The following RTN4RL1 variants were observed in gnomAD, a reference collection of about 807,000 sequenced individuals.
The protein encoded by RTN4RL1 is reticulon 4 receptor like 1.
A neutral mutation model predicts 25.6 loss-of-function variants in RTN4RL1; 7 were observed. The ratio of observed to expected loss-of-function variants is 0.27; its 90% CI spans 0.16 to 0.51. RTN4RL1 has a LOEUF of 0.51. Ranked by LOEUF, RTN4RL1 falls within the 20% of genes least tolerant of loss-of-function variation. The pLI, the probability that RTN4RL1 is intolerant of heterozygous loss-of-function variation, is 0.97. For missense variants in RTN4RL1, 500 were observed against 615.6 expected (o/e 0.81, Z 1.99); for synonymous variants, 297 against 288.2 (o/e 1.03, Z -0.31).
chr17:1,988,699 C>A (rs2066897605), intron 1 of RTN4RL1, among the ~76,000 whole-genome samples: 1 of 152,058 alleles, frequency 6.6e-6, no homozygotes, highest in Non-Finnish European at 1.5e-5. Flanking sequence ...ATGCTGTAGG[C>A]ACTTATAACT....
At position 1,998,673 on chromosome 17, in the gene RTN4RL1, T is replaced by C. The variant is rs1392581833; in HGVS notation, c.13+26180A>G. On this transcript the variant is annotated intron_variant, in intron 1 of 1. Transcript: ENST00000331238. This position sits in a 1 kb window ranked among gnomAD's most constrained non-coding sequence, Gnocchi z 4.9. ...GTGGCCTCCGAGGTCGCCGCGGCGC[T>C]TTCCTGCCCAAGCTGGCGCTGCCGG... is the stretch of plus-strand genomic sequence containing the variant. 2.0e-5 allele frequency among the ~76,000 whole-genome samples: 3 copies of C among 151,094 alleles called. No individual in the cohort carries two copies. Among genetic ancestry groups the C allele is most frequent in the African/African-American group, 4.9e-5 (2 of 40,948 alleles).
Position 1,936,529 on chromosome 17 carries a change from G to A in RTN4RL1, c.1293C>T (p.Ala431=), listed in dbSNP as rs1199610754. The A allele has an allele frequency of 6.4e-7, 1 of 1,550,436 alleles. No homozygotes were observed. The highest frequency in any genetic ancestry group is 1.9e-5 in the Admixed American group (1 of 51,338). ...SASSLGASLL[A]WTLGLAVTLR ...GAGTGACCGCCAGCCCCAGTGTCCA[G>A]GCCAGGAGGGAGGCCCCCAGGGAAC... Residue 431 remains alanine, a synonymous_variant, in exon 2 of 2, where the codon GCC becomes GCT. Coordinates refer to ENST00000331238, the MANE Select transcript of RTN4RL1 (RefSeq NM_178568.4).
intron 1 of RTN4RL1, among the ~76,000 whole-genome samples, chr17:2,021,422 T>C (rs1038903967): frequency 6.6e-6 from 1 of 152,140 alleles, no homozygotes; most frequent in African/African-American, 2.4e-5. Context: ...GGCTACCCTT[T>C]CTTCATCTTT....
rs1392517318 is a variant in RTN4RL1 at position 1,998,038 on chromosome 17, C to T, written c.13+26815G>A. Among the ~76,000 whole-genome samples, 1 of 152,130 alleles carries T rather than the reference C, an allele frequency of 6.6e-6. No homozygotes were observed. The highest frequency in any genetic ancestry group is 1.5e-5 in the Non-Finnish European group (1 of 67,986). Reference sequence around the variant, plus strand: ...CAGGGTGCCGGGCGCCCCACCCCCACCCCCGCCTCCGCCCCAGGCCGCGAT... The same window carrying T: ...CAGGGTGCCGGGCGCCCCACCCCCATCCCCGCCTCCGCCCCAGGCCGCGAT... On this transcript the variant is annotated intron_variant, in intron 1 of 1. Transcript: ENST00000331238. The surrounding 1 kb of genome is among the most constrained non-coding windows in gnomAD (Gnocchi z 4.9).
chr17:1,959,274 AG>A (rs1915850912), intron 1 of RTN4RL1, among the ~76,000 whole-genome samples: 1 of 152,242 alleles, frequency 6.6e-6, no homozygotes, highest in Non-Finnish European at 1.5e-5. Context: ...CTCACCAGAG[AG>A]GCAGTCCTAT....
rs759023275 is a variant in RTN4RL1 at position 1,937,593 on chromosome 17, C to A, written c.229G>T (p.Ala77Ser). 2 of 1,613,738 alleles carry A rather than the reference C, an allele frequency of 1.2e-6. No individual in the cohort carries two copies. The highest frequency in any genetic ancestry group is 2.7e-5 in the African/African-American group (2 of 74,914). The part of the protein sequence containing the change: ...GLLQPGHFSP[A>S]MVTLWIYSNN... ...GAGTAGATCCACAGGGTGACCATGG[C>A]GGGGCTGAAGTGGCCGGGCTGGAGG... Residue 77 changes from alanine (A) to serine (S), a missense_variant, in exon 2 of 2, where the codon GCC becomes TCC. Around this residue, in one of 2 missense-constraint regions of RTN4RL1, gnomAD observed 232 missense variants for 341.1 expected, o/e 0.68. Coordinates refer to ENST00000331238, the MANE Select transcript of RTN4RL1 (RefSeq NM_178568.4).
At chr17:1,949,152 G>A (rs192126516) in intron 1 of RTN4RL1, among the ~76,000 whole-genome samples, 224 of 152,100 alleles carry the variant, frequency 1.5e-3, no homozygotes, top group South Asian at 6.9e-3. Flanking sequence ...TAGTAGAGAC[G>A]GGGTTTTCTT....
At chr17:1,949,547 C>T (rs1463212290) in intron 1 of RTN4RL1, among the ~76,000 whole-genome samples, 1 of 152,224 alleles carries the variant, frequency 6.6e-6, no homozygotes, top group Admixed American at 6.5e-5. Context: ...CGCCCCTTCC[C>T]TGCGATCAGT....
At chr17:2,024,156 C>T (rs1233836162) in intron 1 of RTN4RL1, among the ~76,000 whole-genome samples, 1 of 152,316 alleles carries the variant, frequency 6.6e-6, no homozygotes, top group East Asian at 1.9e-4. Context: ...GCTGCTGGGG[C>T]GTCTAGCTAC....
At chr17:1,949,593 C>T (rs1003938098) in intron 1 of RTN4RL1, among the ~76,000 whole-genome samples, 2 of 152,192 alleles carry the variant, frequency 1.3e-5, no homozygotes, top group Non-Finnish European at 2.9e-5. Context: ...GAGCTCTGAG[C>T]GCAGCCCAGA....
At chr17:1,972,526 T>C (rs967454552) in intron 1 of RTN4RL1, among the ~76,000 whole-genome samples, 2 of 151,944 alleles carry the variant, frequency 1.3e-5, no homozygotes, top group African/African-American at 4.8e-5. Context: ...CCCTTCCCGC[T>C]TTGCGGCCCC....
chr17:1,945,602 G>A (rs2151305802), intron 1 of RTN4RL1, among the ~76,000 whole-genome samples: 1 of 151,724 alleles, frequency 6.6e-6, no homozygotes, highest in East Asian at 1.9e-4. Flanking sequence ...CCTCCCACCT[G>A]GGCCTCCCAA....
At chr17:1,971,781 T>C (rs2066820570) in intron 1 of RTN4RL1, among the ~76,000 whole-genome samples, 1 of 151,640 alleles carries the variant, frequency 6.6e-6, no homozygotes, top group South Asian at 2.1e-4. Flanking sequence ...GCTAACATGG[T>C]GAAACCCCGT....
chr17:1,984,945 C>A (rs1276425086), intron 1 of RTN4RL1, among the ~76,000 whole-genome samples: 1 of 150,698 alleles, frequency 6.6e-6, no homozygotes, highest in Non-Finnish European at 1.5e-5. Flanking sequence ...CCAGCCTGGG[C>A]AACAAGAGCG....
In RTN4RL1 at chr17:1,936,493, TC is replaced by T; in HGVS notation, c.*2del. ...CAGTGCTGGGTGCTGACGCCCTGGG[TC>T]CTCAGCGGAGAGTGACCGCCAGCCC... On this transcript the variant is annotated 3_prime_UTR_variant, in exon 2 of 2. Coordinates refer to ENST00000331238, the MANE Select transcript of RTN4RL1 (RefSeq NM_178568.4). The T allele has an allele frequency of 6.5e-7, 1 of 1,540,450 alleles. No homozygotes were observed. Among genetic ancestry groups the T allele is most frequent in the Non-Finnish European group, 8.7e-7 (1 of 1,146,788 alleles).
At chr17:1,964,799 T>C (rs2066782329) in intron 1 of RTN4RL1, among the ~76,000 whole-genome samples, 1 of 148,108 alleles carries the variant, frequency 6.8e-6, no homozygotes, top group South Asian at 2.2e-4. Flanking sequence ...TTTTTTTTTT[T>C]TTTTTTTGAG....
intron 1 of RTN4RL1, among the ~76,000 whole-genome samples, chr17:2,006,743 C>G (rs1381077389): frequency 6.6e-6 from 1 of 152,278 alleles, no homozygotes; most frequent in Non-Finnish European, 1.5e-5. Flanking sequence ...CCCTCGGCCT[C>G]CTGAGTAGCT....
chr17:2,024,424 G>A (rs2067247836), intron 1 of RTN4RL1, among the ~76,000 whole-genome samples: 1 of 151,476 alleles, frequency 6.6e-6, no homozygotes, highest in East Asian at 2.0e-4. Context: ...GGGCCGCGCG[G>A]TCACTGACCG....
chr17:1,953,613 G>A (rs1597492440), intron 1 of RTN4RL1, among the ~76,000 whole-genome samples: 1 of 152,082 alleles, frequency 6.6e-6, no homozygotes, highest in African/African-American at 2.4e-5. Context: ...TCACCAGGCT[G>A]GAGTGCAGTG....
Sources: gnomAD v4.1 joint callset for allele counts (sites outside exome capture counted in the v4.1 genomes callset) on GRCh38, gnomAD v4.1.1 for gene constraint, gnomAD v4.1.1 regional missense constraint, Gnocchi (gnomAD v3.1) non-coding constraint, MANE v1.5 for transcripts, NCBI Gene and HGNC (gene_info 2026-07-23, HGNC 2026-07-21) for gene names.